The following PTPN13 variants were observed in gnomAD, a reference collection of about 807,000 sequenced individuals.
The protein encoded by PTPN13 is tyrosine-protein phosphatase non-receptor type 13.
In PTPN13, 191 loss-of-function variants were observed where a neutral mutation model predicts 284.0. The observed-to-expected ratio is 0.67, with a 90% CI of 0.60 to 0.76. The LOEUF is 0.76. Among genes scored for constraint, PTPN13 ranks in the 30% least tolerant of loss-of-function variants. The pLI is 0.00. For synonymous variants in PTPN13, 986 were observed against 1,022.3 expected, an observed-to-expected ratio of 0.96 and a Z score of 0.68; for missense variants, 2,797 against 2,939.9, an observed-to-expected ratio of 0.95 and a Z score of 1.12.
At chr4:86,689,667 A>G (rs1483251474) in intron 5 of PTPN13, 5 of 702,404 alleles carry the variant, frequency 7.1e-6, no homozygotes, top group South Asian at 1.5e-5. Context: ...GAACACTGCT[A>G]CCTAGTGTAT....
rs1375976356 is a variant in PTPN13, at chr4:86,774,547, G to A, written c.5508+16G>A. The A allele has an allele frequency of 1.9e-6, 3 of 1,577,500 alleles. No individual in the cohort carries two copies. The African/African-American group carries it at 4.1e-5, about 21-fold the overall frequency. On this transcript the variant is annotated intron_variant, in intron 33 of 47. Coordinates refer to ENST00000411767, the MANE Select transcript of PTPN13 (RefSeq NM_080683.3). ...GCTCATAAAGGTGAGACATTTAAGA[G>A]GAATGGATTATTTGTGTAAATGTAG...
intron 7 of PTPN13, among the ~76,000 whole-genome samples, chr4:86,705,333 C>CAAAAAAAAAAAAAAAAAAAAAAAAA (rs759784072): frequency 5.5e-4 from 52 of 95,296 alleles, no homozygotes; most frequent in Non-Finnish European, 6.9e-4. Flanking sequence ...GACTCCGTCT[C>CAAAAAAAAAAAAAAAAAAAAAAAAA]AAAAAAAAAA....
Position 86,772,890 on chromosome 4 carries a change from C to A in PTPN13, c.5281C>A (p.Pro1761Thr), listed in dbSNP as rs1740165515. The change falls in exon 32 of 48, where the codon CCA becomes ACA. Residue 1761 changes from proline to threonine, a missense_variant. By Grantham distance (38) the Pro-to-Thr change is conservative. Transcript: ENST00000411767. ...GTATCATATACATCACATTTCTGAA[C>A]CAACTAGACAAGAAAACTGGACACC... ...DKYHIHHISE[P>T]TRQENWTPLK... 6 of 1,611,774 alleles carry A rather than the reference C, an allele frequency of 3.7e-6. No individual in the cohort carries two copies. Among genetic ancestry groups the A allele is most frequent in the African/African-American group, 1.3e-5 (1 of 74,836 alleles).
At chr4:86,672,155 A>G (rs1161882448) in intron 2 of PTPN13, among the ~76,000 whole-genome samples, 1 of 152,232 alleles carries the variant, frequency 6.6e-6, no homozygotes, top group African/African-American at 2.4e-5. Context: ...AAGCCAAATC[A>G]AGGCATTGTT....
Position 86,717,124 on chromosome 4 carries a change from C to T in PTPN13, c.1385+7C>T. 6.3e-7 allele frequency: 1 copy of T among 1,584,152 alleles called. No individual in the cohort carries two copies. Among genetic ancestry groups the T allele is most frequent in the Non-Finnish European group, 8.6e-7 (1 of 1,156,536 alleles). ...GCCAGTCACAGAGACCGAGGTATGT[C>T]ATGAAAAAGTAGTGATGATACATTT... On this transcript the variant is annotated splice_region_variant and intron_variant, in intron 9 of 47. Transcript: ENST00000411767.
At chr4:86,693,942 T>C (rs1489631686) in intron 6 of PTPN13, among the ~76,000 whole-genome samples, 1 of 152,082 alleles carries the variant, frequency 6.6e-6, no homozygotes, top group Non-Finnish European at 1.5e-5. Context: ...AATAATAATA[T>C]TTATTTACTT....
chr4:86,606,398 T>G (rs548732978), intron 1 of PTPN13, among the ~76,000 whole-genome samples: 3 of 152,018 alleles, frequency 2.0e-5, no homozygotes, highest in African/African-American at 7.2e-5. Flanking sequence ...CCAGTGTGAC[T>G]TTACTGTTAG....
intron 1 of PTPN13, among the ~76,000 whole-genome samples, chr4:86,605,090 T>C (rs924685030): frequency 1.3e-5 from 2 of 151,650 alleles, no homozygotes; most frequent in Admixed American, 1.3e-4. Context: ...ATGAGGGAAG[T>C]GTTTACAAAG....
At chr4:86,739,555 T>C (rs1385464411) in intron 15 of PTPN13, among the ~76,000 whole-genome samples, 2 of 152,106 alleles carry the variant, frequency 1.3e-5, no homozygotes, top group East Asian at 3.9e-4. Flanking sequence ...ACTGGGTCCC[T>C]CCTTCAACAT....
At chr4:86,712,850 T>C (rs1043963800) in intron 7 of PTPN13, among the ~76,000 whole-genome samples, 2 of 151,916 alleles carry the variant, frequency 1.3e-5, no homozygotes, top group East Asian at 3.9e-4. Context: ...TTGAAAAAAG[T>C]TTATTAGTAG....
chr4:86,782,339 G>T, intron 37 of PTPN13, 77 bp downstream of exon 37: 1 of 1,262,888 alleles, frequency 7.9e-7, no homozygotes, highest in South Asian at 1.2e-5. Flanking sequence ...GAACCAAACT[G>T]ATTTCATATT....
intron 1 of PTPN13, among the ~76,000 whole-genome samples, chr4:86,597,111 A>G (rs1222791305): frequency 6.6e-6 from 1 of 151,758 alleles, no homozygotes; most frequent in Admixed American, 6.6e-5. Context: ...AATGGGCCTT[A>G]GGATAGAAGA....
At chr4:86,624,853 A>C (rs1721654032) in intron 1 of PTPN13, among the ~76,000 whole-genome samples, 1 of 152,152 alleles carries the variant, frequency 6.6e-6, no homozygotes, top group South Asian at 2.1e-4. Flanking sequence ...TTTATCCAAA[A>C]ATGCAATGGT....
intron 40 of PTPN13, among the ~76,000 whole-genome samples, 188 bp downstream of exon 40, chr4:86,786,124 A>C (rs1050751641): frequency 3.9e-5 from 6 of 152,078 alleles, no homozygotes; most frequent in African/African-American, 1.4e-4. Flanking sequence ...TCATTACACA[A>C]ATTTTCTCAA....
chr4:86,668,786 T>A (rs1231397205), intron 2 of PTPN13, among the ~76,000 whole-genome samples: 2 of 137,300 alleles, frequency 1.5e-5, no homozygotes, highest in Admixed American at 7.5e-5. Context: ...TTTTTTTTTT[T>A]AGTAGAGACG....
At chr4:86,690,503 A>G (rs1729908693) in intron 5 of PTPN13, among the ~76,000 whole-genome samples, 1 of 152,040 alleles carries the variant, frequency 6.6e-6, no homozygotes, top group African/African-American at 2.4e-5. Flanking sequence ...CATTTCCCAA[A>G]CTTTCTTGGT....
rs368091602 is a variant in PTPN13, at chr4:86,689,193, A to G, written c.546+3A>G. ...TGGTTCTGGGAAATCTTTCTGGGGT[A>G]AGCTACAGTTACAATAGTAAATATA... On this transcript the variant is annotated splice_donor_region_variant and intron_variant, in intron 5 of 47. Transcript: ENST00000411767. The G allele has an allele frequency of 5.4e-5, 87 of 1,608,388 alleles. No homozygotes were observed. The highest frequency in any genetic ancestry group is 4.9e-4 in the Middle Eastern group (3 of 6,070).
At chr4:86,735,407 A>T (rs1225062008) in intron 14 of PTPN13, among the ~76,000 whole-genome samples, 187 bp from the exon 15 acceptor site, 1 of 152,218 alleles carries the variant, frequency 6.6e-6, no homozygotes, top group Non-Finnish European at 1.5e-5. Context: ...TGATCAGTTC[A>T]GTCATTTTAT....
Position 86,782,275 on chromosome 4 carries a change from C to A in PTPN13, c.6024+13C>A. On this transcript the variant is annotated intron_variant, in intron 37 of 47. Transcript: ENST00000411767. ...TTCATTCTCCACGGTAAGAAAAAGC[C>A]CACCCTCTTTCATGTCATACCTCCT... The A allele has an allele frequency of 6.3e-7, 1 of 1,590,066 alleles. No homozygotes were observed. The highest frequency in any genetic ancestry group is 8.6e-7 in the Non-Finnish European group (1 of 1,158,324).
Sources: allele counts gnomAD v4.1 joint callset (sites outside exome capture counted in the v4.1 genomes callset), GRCh38; gene constraint gnomAD v4.1.1; transcripts MANE v1.5; gene names NCBI Gene and HGNC (gene_info 2026-07-23, HGNC 2026-07-21).